WWOX: variants seen among roughly 807,000 people sequenced by gnomAD.
The protein encoded by WWOX is WW domain-containing oxidoreductase.
A neutral mutation model predicts 46.2 loss-of-function variants in WWOX; 69 were observed. The ratio of observed to expected loss-of-function variants is 1.49; its 90% CI spans 1.23 to 1.82. WWOX has a LOEUF of 1.82. WWOX is among the 40% of genes most tolerant of loss of function. WWOX has a pLI of 0.00. For missense variants in WWOX, 919 were observed against 542.6 expected (o/e 1.69, Z -6.89); for synonymous variants, 359 against 202.6 (o/e 1.77, Z -6.56).
At chr16:78,534,429 G>A (rs186185293) in intron 8 of WWOX, 1 of 152,198 alleles carries the variant, frequency 6.6e-6, no homozygotes, top group South Asian at 2.1e-4. Flanking sequence ...CATGGTGAAA[G>A]AAGACAGACA....
intron 5 of WWOX, among the ~76,000 whole-genome samples, chr16:78,184,541 GA>G (rs1410748466): frequency 6.6e-6 from 1 of 151,674 alleles, no homozygotes; most frequent in African/African-American, 2.4e-5. Flanking sequence ...CCACATGGAT[GA>G]ATCACCGAGA....
chr16:78,450,310 T>C (rs1027421410), intron 8 of WWOX, among the ~76,000 whole-genome samples: 4 of 152,160 alleles, frequency 2.6e-5, no homozygotes, highest in Non-Finnish European at 4.4e-5. Context: ...AAAAAGAAAG[T>C]GAAATATTCT....
intron 8 of WWOX, among the ~76,000 whole-genome samples, chr16:78,734,799 G>T (rs1188131122): frequency 2.3e-5 from 3 of 130,540 alleles, no homozygotes; most frequent in Non-Finnish European, 4.7e-5. Context: ...CTACTTCAAA[G>T]AGAACTCCTT....
intron 8 of WWOX, among the ~76,000 whole-genome samples, chr16:78,843,153 AC>A: frequency 6.7e-6 from 1 of 150,064 alleles, no homozygotes; most frequent in South Asian, 2.2e-4. Flanking sequence ...GGAGTGTGTT[AC>A]TTTATTACTG....
chr16:78,631,846 A>T (rs1171178628), intron 8 of WWOX, among the ~76,000 whole-genome samples: 3 of 152,190 alleles, frequency 2.0e-5, no homozygotes, highest in Admixed American at 6.5e-5. Context: ...TTTCAAAGTG[A>T]TTAGAAGTAG....
chr16:78,337,845 G>A (rs1395765238), intron 5 of WWOX, among the ~76,000 whole-genome samples: 1 of 83,484 alleles, frequency 1.2e-5, no homozygotes, highest in African/African-American at 3.7e-5. Flanking sequence ...CCATGAAGAA[G>A]TGGAGAGCCG....
chr16:79,091,779 GTTTTTTTTTTT>G (rs11329411), intron 8 of WWOX, among the ~76,000 whole-genome samples: 1 of 109,130 alleles, frequency 9.2e-6, no homozygotes, highest in Non-Finnish European at 1.8e-5. Flanking sequence ...TCTTTTCTTT[GTTTTTTTTTTT>G]TTTTTTTTTG....
chr16:78,118,958 T>G (rs1027131878), intron 4 of WWOX: 3 of 152,184 alleles, frequency 2.0e-5, no homozygotes, highest in African/African-American at 7.2e-5. Context: ...TAACCAGCTT[T>G]CTGAACCTGA....
intron 8 of WWOX, among the ~76,000 whole-genome samples, chr16:78,838,789 G>A (rs1259797464): frequency 6.6e-6 from 1 of 152,186 alleles, no homozygotes; most frequent in Non-Finnish European, 1.5e-5. Flanking sequence ...GTTGCAGTGA[G>A]CCCAGATCGT....
chr16:78,145,226 AG>A (rs2034157001), intron 4 of WWOX, among the ~76,000 whole-genome samples: 1 of 152,270 alleles, frequency 6.6e-6, no homozygotes, highest in East Asian at 1.9e-4. Context: ...AGAATAGGAT[AG>A]GTGCATTAAT....
chr16:78,538,218 CAAAAAAAAAAAAAA>C (rs67413792), intron 8 of WWOX, among the ~76,000 whole-genome samples: 1 of 60,062 alleles, frequency 1.7e-5, no homozygotes, highest in East Asian at 6.1e-4. Flanking sequence ...TCACTCACAC[CAAAAAAAAAAAAAA>C]AAAAAAAAAA....
In WWOX at chr16:78,544,660, T is replaced by A. The variant is rs369668846; in HGVS notation, c.1056+111908T>A. The stretch of plus-strand genomic sequence containing the variant: ...CAGCACTTTGAGAGGATAACTTGAG[T>A]CCGGGAGTTTGAGACCAGCCTGGGC... On this transcript the variant is annotated intron_variant, in intron 8 of 8. Transcript: ENST00000566780. Among the ~76,000 whole-genome samples, 8 of 152,146 alleles carry A rather than the reference T, an allele frequency of 5.3e-5. No homozygotes were observed. The East Asian group carries it at 1.4e-3, about 26-fold the overall frequency.
chr16:78,495,577 C>T (rs944544728), intron 8 of WWOX, among the ~76,000 whole-genome samples: 1 of 149,800 alleles, frequency 6.7e-6, no homozygotes, highest in African/African-American at 2.5e-5. Context: ...GGTGTGATCT[C>T]AGCTCACTGC....
intron 8 of WWOX, among the ~76,000 whole-genome samples, chr16:79,011,786 C>G (rs1407038445): frequency 6.6e-6 from 1 of 152,014 alleles, no homozygotes. Context: ...AGCCACCATG[C>G]CCGGCCCCCT....
chr16:78,676,974 T>C (rs1487471045), intron 8 of WWOX, among the ~76,000 whole-genome samples: 1 of 152,088 alleles, frequency 6.6e-6, no homozygotes, highest in Non-Finnish European at 1.5e-5. Context: ...CTCTGGACTA[T>C]TTTGCCAAAT....
At chr16:78,433,018 TTTTG>T (rs1443151965) in intron 8 of WWOX, among the ~76,000 whole-genome samples, 16 of 151,962 alleles carry the variant, frequency 1.1e-4, no homozygotes, top group East Asian at 5.8e-4. Flanking sequence ...ATGGTGATTT[TTTTG>T]TTTGTTTGGT....
At chr16:78,741,047 T>G (rs1458925488) in intron 8 of WWOX, among the ~76,000 whole-genome samples, 1 of 152,100 alleles carries the variant, frequency 6.6e-6, no homozygotes, top group African/African-American at 2.4e-5. Context: ...GCCAGCAAAG[T>G]CCCTGTCCAG....
At chr16:78,924,834 T>C in intron 8 of WWOX, among the ~76,000 whole-genome samples, 1 of 152,212 alleles carries the variant, frequency 6.6e-6, no homozygotes, top group East Asian at 1.9e-4. Context: ...TCAACATATG[T>C]GTGAAAATGC....
chr16:78,113,284 C>G (rs57720706), intron 3 of WWOX, among the ~76,000 whole-genome samples: 3,298 of 152,254 alleles, frequency 0.022, 131 homozygotes, highest in African/African-American at 0.075. Context: ...TGTTCCCTAG[C>G]TTGAGAGCCT....
Sources: allele counts gnomAD v4.1 joint callset (sites outside exome capture counted in the v4.1 genomes callset), GRCh38; gene constraint gnomAD v4.1.1; transcripts MANE v1.5; gene names NCBI Gene and HGNC (gene_info 2026-07-23, HGNC 2026-07-21).